Variants in TRIM69 observed in about 807,000 individuals in gnomAD.
TRIM69 encodes tripartite motif containing 69.
In TRIM69, 29 loss-of-function variants were observed where a neutral mutation model predicts 37.7. That is an observed-to-expected ratio of 0.77 (90% CI 0.57 to 1.05). The LOEUF (loss-of-function observed/expected upper bound fraction) is 1.05. Ranked by LOEUF, TRIM69 falls within the 50% of genes least tolerant of loss-of-function variation. TRIM69 has a pLI of 0.00. For synonymous variants in TRIM69, 209 were observed against 212.4 expected, an observed-to-expected ratio of 0.98 and a Z score of 0.14; for missense variants, 596 against 579.9, an observed-to-expected ratio of 1.03 and a Z score of -0.28.
At chr15:44,759,686 T>C (rs1375060619) in intron 5 of TRIM69, 24 bp downstream of exon 5, 9 of 1,614,038 alleles carry the variant, frequency 5.6e-6, no homozygotes, top group Non-Finnish European at 6.8e-6. Flanking sequence ...TATGGTACTA[T>C]TAATATCATT....
intron 6 of TRIM69, among the ~76,000 whole-genome samples, chr15:44,762,799 C>A (rs556787151): frequency 6.6e-6 from 1 of 152,132 alleles, no homozygotes; most frequent in Middle Eastern, 3.4e-3. Context: ...ATATCCTTGT[C>A]TGCTAATTCT....
intron 1 of TRIM69, among the ~76,000 whole-genome samples, chr15:44,745,225 T>C (rs191634983): frequency 6.7e-6 from 1 of 150,350 alleles, no homozygotes; most frequent in Non-Finnish European, 1.5e-5. Flanking sequence ...GACTGGGAGG[T>C]TTTTGTTGTT....
In TRIM69 at chr15:44,749,634, G is replaced by T. The variant is rs929523724; in HGVS notation, c.7-5266G>T. Among the ~76,000 whole-genome samples the T allele has an allele frequency of 5.9e-5, 9 of 152,244 alleles. No homozygotes were observed. In the East Asian group the frequency reaches 1.7e-3, roughly 29 times the overall value. On this transcript the variant is annotated intron_variant, in intron 1 of 6. Coordinates refer to ENST00000329464, the MANE Select transcript of TRIM69 (RefSeq NM_182985.5). ...CACACTTTTCCATTCATTAGTTAAT[G>T]TGCATTTGGATTGCTTCCACCTGTG...
intron 2 of TRIM69, 118 bp from the exon 3 acceptor site, chr15:44,756,250 G>T: frequency 1.5e-6 from 1 of 655,964 alleles, no homozygotes; most frequent in South Asian, 1.9e-5. Context: ...AGGGGAAGGG[G>T]AAGATTTTTG....
rs1486475677 is a variant in TRIM69 at position 44,758,860 on chromosome 15, AATCCACACCAATATGATT to A, written c.813+9_813+26del. The A allele has an allele frequency of 6.2e-7, 1 of 1,607,322 alleles. No individual in the cohort carries two copies. Among genetic ancestry groups the A allele is most frequent in the Non-Finnish European group, 8.5e-7 (1 of 1,176,644 alleles). ...ACTCCTTCGACTTTCTCAAAGTGAG[AATCCACACCAATATGATT>A]ATGGGTACCTTCCTACCTAGAGGGG... On this transcript the variant is annotated splice_region_variant and intron_variant, in intron 4 of 6. Transcript: ENST00000329464.
chr15:44,741,526 GA>G (rs1300496626), intron 1 of TRIM69, among the ~76,000 whole-genome samples: 11 of 152,148 alleles, frequency 7.2e-5, no homozygotes, highest in African/African-American at 2.4e-4. Context: ...ATGAATCCAG[GA>G]GCTGGTTTTT....
rs1395618387 is a variant in TRIM69 at position 44,755,005 on chromosome 15, G to T, written c.112G>T (p.Glu38Ter). 2 of 1,613,978 alleles carry T rather than the reference G, an allele frequency of 1.2e-6. No individual in the cohort carries two copies. The highest frequency in any genetic ancestry group is 2.7e-5 in the African/African-American group (2 of 74,910). The change falls in exon 2 of 7, where the codon GAG becomes TAG. Residue 38 changes from glutamate to a stop codon, truncating the protein, a stop_gained. Coordinates refer to ENST00000329464, the MANE Select transcript of TRIM69 (RefSeq NM_182985.5). LOFTEE classifies it high-confidence loss of function. The stretch of plus-strand genomic sequence containing the variant: ...AGTGGTGATACAAGATATTACTATG[G>T]AGCTACACTGCCCTCTGTGCAATGA... ...SKVVIQDITM[E>*]LHCPLCNDWF...
chr15:44,748,564 C>T (rs1055957310), intron 1 of TRIM69, among the ~76,000 whole-genome samples: 2 of 151,950 alleles, frequency 1.3e-5, no homozygotes, highest in Admixed American at 6.6e-5. Flanking sequence ...GTGGCTCATG[C>T]CTGTAATCTC....
chr15:44,759,070 A>G (rs1271159459), intron 4 of TRIM69, among the ~76,000 whole-genome samples: 2 of 152,230 alleles, frequency 1.3e-5, no homozygotes, highest in Non-Finnish European at 2.9e-5. Context: ...CTTAGGAAAT[A>G]CGATTTTTAA....
chr15:44,746,381 C>T (rs1166527400), intron 1 of TRIM69, among the ~76,000 whole-genome samples: 1 of 152,102 alleles, frequency 6.6e-6, no homozygotes, highest in African/African-American at 2.4e-5. Context: ...AATGAAGGGA[C>T]ATTAGACAAT....
rs1000251263 is a variant in TRIM69 at position 44,753,264 on chromosome 15, C to A, written c.7-1636C>A. ...TTTATCTGGGAATGTCTTAATTCCT[C>A]TTTTCATGAATATATAATTCTTTAT... On this transcript the variant is annotated intron_variant, in intron 1 of 6. Coordinates refer to ENST00000329464, the MANE Select transcript of TRIM69 (RefSeq NM_182985.5). The A allele has an allele frequency of 2.0e-5, 3 of 151,960 alleles. No homozygotes were observed. The South Asian group carries it at 6.2e-4, about 32-fold the overall frequency. 9.4% of individuals were successfully genotyped at this position (151,960 alleles called of 1,614,324 possible). A position where few individuals can be genotyped will look rare whatever the true frequency, so the allele number is the denominator to read the frequency against.
chr15:44,738,054 C>CTT (rs869285725), intron 1 of TRIM69, among the ~76,000 whole-genome samples: 283 of 23,428 alleles, frequency 0.012, 4 homozygotes, highest in African/African-American at 0.023. Context: ...TTCTTTCTTT[C>CTT]TTTTTTTTTT....
At position 44,736,702 on chromosome 15, in the gene TRIM69, T is replaced by C; in HGVS notation, c.-3T>C. On this transcript the variant is annotated 5_prime_UTR_variant, in exon 1 of 7. Coordinates refer to ENST00000329464, the MANE Select transcript of TRIM69 (RefSeq NM_182985.5). ...CCTCTGCCCCTTGGTGGGCTGAAGC[T>C]TCATGGAGGTGAGTGACCCTTTTTT... 6.2e-7 allele frequency: 1 copy of C among 1,604,126 alleles called. No homozygotes were observed. Among genetic ancestry groups the C allele is most frequent in the South Asian group, 1.1e-5 (1 of 90,498 alleles).
In TRIM69 at chr15:44,755,175, T is replaced by C. The variant is rs1007589313; in HGVS notation, c.282T>C (p.Pro94=). Residue 94 remains proline, a synonymous_variant, in exon 2 of 7, where the codon CCT becomes CCC. Coordinates refer to ENST00000329464, the MANE Select transcript of TRIM69 (RefSeq NM_182985.5). ...LCQYNNCTFN[P]VLDKLVEKIK... ...AGTATAACAACTGTACATTCAACCC[T>C]GTACTGGACAAGTTGGTAGAGAAGA... 2 of 1,614,118 alleles carry C rather than the reference T, an allele frequency of 1.2e-6. No individual in the cohort carries two copies. The highest frequency in any genetic ancestry group is 1.7e-6 in the Non-Finnish European group (2 of 1,180,048).
intron 1 of TRIM69, 146 bp downstream of exon 1, chr15:44,736,856 A>C: frequency 1.2e-6 from 1 of 858,476 alleles, no homozygotes; most frequent in Non-Finnish European, 1.8e-6. Flanking sequence ...TAGCTACTAT[A>C]CTCTCTCCAA....
At chr15:44,758,572 A>C in intron 3 of TRIM69, 49 bp from the exon 4 acceptor site, 1 of 1,602,692 alleles carries the variant, frequency 6.2e-7, no homozygotes, top group Non-Finnish European at 8.5e-7. Flanking sequence ...CCCCATCCCC[A>C]AGCACTAGTC....
chr15:44,746,783 T>C (rs2087418400), intron 1 of TRIM69, among the ~76,000 whole-genome samples: 1 of 152,076 alleles, frequency 6.6e-6, no homozygotes, highest in African/African-American at 2.4e-5. Context: ...CACACATCTT[T>C]CTTTAAATAT....
chr15:44,751,265 G>C (rs146444235), intron 1 of TRIM69, among the ~76,000 whole-genome samples: 3 of 151,748 alleles, frequency 2.0e-5, no homozygotes, highest in African/African-American at 7.3e-5. Flanking sequence ...ACAGGTGCTC[G>C]CTACCACGCC....
At chr15:44,754,720 G>C in intron 1 of TRIM69, 180 bp from the exon 2 acceptor site, 1 of 611,668 alleles carries the variant, frequency 1.6e-6, no homozygotes, top group Non-Finnish European at 2.9e-6. Flanking sequence ...AGTTTAAATA[G>C]CATCATACGC....
Sources: gnomAD v4.1 joint callset for allele counts (sites outside exome capture counted in the v4.1 genomes callset) on GRCh38, gnomAD v4.1.1 for gene constraint, MANE v1.5 for transcripts, NCBI Gene and HGNC (gene_info 2026-07-23, HGNC 2026-07-21) for gene names.